Variants in SNX6 observed in about 807,000 individuals in gnomAD.
SNX6 encodes the protein sorting nexin 6.
Under a neutral mutation model 63.0 loss-of-function variants are expected in SNX6, and 34 were observed. The ratio of observed to expected loss-of-function variants is 0.54; its 90% CI spans 0.41 to 0.72. SNX6 has a LOEUF of 0.72. Among genes scored for constraint, SNX6 ranks in the 30% least tolerant of loss-of-function variants. The pLI, the probability that SNX6 is intolerant of heterozygous loss-of-function variation, is 0.00. For missense variants in SNX6, 398 were observed against 471.4 expected, an observed-to-expected ratio of 0.84 and a Z score of 1.44; for synonymous variants, 170 against 164.2, an observed-to-expected ratio of 1.04 and a Z score of -0.27.
chr14:34,565,978 C>T (rs1208587138), intron 13 of SNX6, among the ~76,000 whole-genome samples: 1 of 151,530 alleles, frequency 6.6e-6, no homozygotes, highest in Non-Finnish European at 1.5e-5. Flanking sequence ...CGTGAGCCAC[C>T]ACGCCTGGCT....
chr14:34,596,292 A>G (rs772089010), intron 7 of SNX6, among the ~76,000 whole-genome samples: 1 of 151,542 alleles, frequency 6.6e-6, no homozygotes, highest in Non-Finnish European at 1.5e-5. Flanking sequence ...TTAATAAGTA[A>G]GTAAGGTGGG....
At chr14:34,569,630 T>A (rs746450815) in intron 11 of SNX6, among the ~76,000 whole-genome samples, 21 of 152,132 alleles carry the variant, frequency 1.4e-4, no homozygotes, top group Non-Finnish European at 2.8e-4. Context: ...ATTCACCTAT[T>A]CTGGACATTT....
chr14:34,593,280 T>C (rs1308550001), intron 7 of SNX6, 130 bp from the exon 8 acceptor site: 3 of 593,176 alleles, frequency 5.1e-6, no homozygotes, highest in South Asian at 2.3e-5. Context: ...GATGTTATTA[T>C]ACTAATTTCA....
intron 9 of SNX6, among the ~76,000 whole-genome samples, chr14:34,584,738 G>A (rs971258643): frequency 1.3e-5 from 2 of 151,374 alleles, no homozygotes; most frequent in African/African-American, 4.9e-5. Context: ...AACACAGTTG[G>A]GGAGGAAGAA....
In SNX6 at chr14:34,629,962, G is replaced by A. The variant is rs540779328; in HGVS notation, c.7-8C>T. 2 of 1,537,020 alleles carry A rather than the reference G, an allele frequency of 1.3e-6. No homozygotes were observed. The highest frequency in any genetic ancestry group is 2.4e-5 in the South Asian group (2 of 82,024). On this transcript the variant is annotated splice_region_variant and splice_polypyrimidine_tract_variant and intron_variant, in intron 1 of 13. Transcript: ENST00000362031. ...GCCGTCGTCCAGGCCTTCCTGTGGG[G>A]TCGGCGGGCACGGCGCGCCGGGGAA...
intron 10 of SNX6, among the ~76,000 whole-genome samples, chr14:34,577,962 G>C (rs905333860): frequency 1.8e-4 from 27 of 152,124 alleles, no homozygotes; most frequent in African/African-American, 6.5e-4. Flanking sequence ...CCAGCACTAC[G>C]GGAGGACAAG....
intron 8 of SNX6, among the ~76,000 whole-genome samples, chr14:34,588,986 T>C (rs1882284919): frequency 6.6e-6 from 1 of 151,420 alleles, no homozygotes; most frequent in Admixed American, 6.6e-5. Flanking sequence ...ATGCAAAAAT[T>C]AGCCAGGTGT....
At chr14:34,569,536 C>T (rs1176289369) in intron 11 of SNX6, among the ~76,000 whole-genome samples, 1 of 152,078 alleles carries the variant, frequency 6.6e-6, no homozygotes, top group Non-Finnish European at 1.5e-5. Flanking sequence ...AAGTGATTCT[C>T]CTGCCTCAGC....
intron 8 of SNX6, among the ~76,000 whole-genome samples, chr14:34,589,405 T>G (rs994969514): frequency 2.0e-5 from 3 of 152,074 alleles, no homozygotes; most frequent in Admixed American, 1.3e-4. Context: ...TGAGCTGAGA[T>G]CACGCCACTC....
intron 2 of SNX6, 51 bp from the exon 3 acceptor site, chr14:34,609,793 C>A: frequency 1.6e-6 from 2 of 1,267,860 alleles, no homozygotes; most frequent in South Asian, 1.3e-5. Context: ...TATATAATTT[C>A]ATTTTTTCTC....
chr14:34,620,833 C>G (rs1454643671), intron 2 of SNX6, among the ~76,000 whole-genome samples: 2 of 151,824 alleles, frequency 1.3e-5, no homozygotes, highest in East Asian at 3.9e-4. Flanking sequence ...CCCAGCTACT[C>G]AGGAAGCTGA....
At chr14:34,617,983 G>A (rs894900324) in intron 2 of SNX6, among the ~76,000 whole-genome samples, 1 of 151,836 alleles carries the variant, frequency 6.6e-6, no homozygotes, top group Non-Finnish European at 1.5e-5. Context: ...AGTGTACTAT[G>A]AAGTATCTAG....
intron 11 of SNX6, among the ~76,000 whole-genome samples, chr14:34,571,147 G>A (rs1881434699): frequency 6.6e-6 from 1 of 151,872 alleles, no homozygotes; most frequent in Admixed American, 6.6e-5. Context: ...AAAAGACATA[G>A]AAGAGGCCAG....
chr14:34,563,262 A>T, intron 13 of SNX6, 87 bp from the exon 14 acceptor site: 1 of 1,341,144 alleles, frequency 7.5e-7, no homozygotes, highest in Non-Finnish European at 1.1e-6. Context: ...AAACGACATA[A>T]AATATAGTGT....
At chr14:34,584,766 G>T (rs60403357) in intron 9 of SNX6, among the ~76,000 whole-genome samples, 22,835 of 151,770 alleles carry the variant, frequency 0.15, 1,843 homozygotes, top group Middle Eastern at 0.18. Flanking sequence ...TATATATAGA[G>T]AGAGAGAGTA....
chr14:34,608,847 G>C (rs1361411877), intron 3 of SNX6, among the ~76,000 whole-genome samples: 1 of 151,864 alleles, frequency 6.6e-6, no homozygotes, highest in African/African-American at 2.4e-5. Flanking sequence ...TGATCAATAA[G>C]GTGAAACCCA....
At chr14:34,572,983 C>T (rs1340093724) in intron 11 of SNX6, among the ~76,000 whole-genome samples, 1 of 151,814 alleles carries the variant, frequency 6.6e-6, no homozygotes, top group Non-Finnish European at 1.5e-5. Context: ...CACCTGGCCT[C>T]GTGTTAACTT....
intron 13 of SNX6, among the ~76,000 whole-genome samples, chr14:34,563,576 A>G (rs1426030439): frequency 7.5e-4 from 92 of 123,110 alleles, no homozygotes; most frequent in African/African-American, 4.1e-3. Context: ...AAAAAATAAG[A>G]AAAAAAAAAT....
At chr14:34,600,617 T>G (rs919583642) in intron 6 of SNX6, among the ~76,000 whole-genome samples, 3 of 152,162 alleles carry the variant, frequency 2.0e-5, no homozygotes, top group African/African-American at 7.2e-5. Flanking sequence ...ACATGAGCAC[T>G]ATGCTATATT....
Sources: allele counts gnomAD v4.1 joint callset (sites outside exome capture counted in the v4.1 genomes callset), GRCh38; gene constraint gnomAD v4.1.1; transcripts MANE v1.5; gene names NCBI Gene and HGNC (gene_info 2026-07-23, HGNC 2026-07-21).